The following CAST variants were observed in gnomAD, a reference collection of about 807,000 sequenced individuals.
CAST encodes the protein calpastatin.
In CAST, 76 loss-of-function variants were observed where a neutral mutation model predicts 119.6. The observed-to-expected ratio is 0.64, with a 90% CI of 0.53 to 0.77. The LOEUF (loss-of-function observed/expected upper bound fraction) is 0.77. CAST is among the 30% of genes least tolerant of loss of function. CAST has a pLI of 0.00. For missense variants in CAST, 953 were observed against 946.5 expected (o/e 1.01, Z -0.09); for synonymous variants, 319 against 331.6 (o/e 0.96, Z 0.41).
At chr5:96,723,758 T>C (rs938614340) in intron 4 of CAST, among the ~76,000 whole-genome samples, 1 of 152,222 alleles carries the variant, frequency 6.6e-6, no homozygotes, top group African/African-American at 2.4e-5. Context: ...TCTCAACTAA[T>C]GTTTGTGTGC....
the CAST span, among the ~76,000 whole-genome samples, chr5:96,331,232 T>C: frequency 6.6e-6 from 1 of 152,178 alleles, no homozygotes; most frequent in Non-Finnish European, 1.5e-5. Flanking sequence ...TAAAACCCAG[T>C]TTAATGATTC....
At chr5:96,412,083 A>G in the CAST span, among the ~76,000 whole-genome samples, 2 of 152,204 alleles carry the variant, frequency 1.3e-5, no homozygotes, top group African/African-American at 4.8e-5. Context: ...CCTGGCCTCA[A>G]TTGATCTGCC....
chr5:96,629,552 G>A lies in CAST; in HGVS notation c.61-45987G>A, dbSNP rs78833573. The stretch of plus-strand genomic sequence containing the variant: ...ACAAACTCTGTCTCAGCATCTTCTT[G>A]CTAAAAAGTATGGGTTGGCACTTTG... On this transcript the variant is annotated intron_variant, in intron 1 of 11. Coordinates refer to the CAST transcript ENST00000505143. Among the ~76,000 whole-genome samples, 17 of 152,296 alleles carry A rather than the reference G, an allele frequency of 1.1e-4. No homozygotes were observed. The East Asian group carries it at 3.3e-3, about 29-fold the overall frequency.
At chr5:96,393,139 G>A in the CAST span, 6 of 1,614,190 alleles carry the variant, frequency 3.7e-6, no homozygotes, top group Non-Finnish European at 5.1e-6. Context: ...GGGAAGGTTT[G>A]TTCAGCTTTT....
the CAST span, among the ~76,000 whole-genome samples, chr5:96,291,843 C>CGTGTGTGTGTGTGTGTGTGTGT: frequency 7.5e-6 from 1 of 132,968 alleles, no homozygotes; most frequent in African/African-American, 2.8e-5. Context: ...TCCCAGTCTG[C>CGTGTGTGTGTGTGTGTGTGTGT]GTGTGTGTGT....
the CAST span, among the ~76,000 whole-genome samples, chr5:96,502,616 C>CTT: frequency 4.8e-4 from 20 of 41,678 alleles, no homozygotes; most frequent in African/African-American, 9.4e-4. Context: ...GTTACCTAGT[C>CTT]TTTCTTTCTT....
At chr5:96,277,276 T>C in the CAST span, among the ~76,000 whole-genome samples, 1 of 152,104 alleles carries the variant, frequency 6.6e-6, no homozygotes, top group African/African-American at 2.4e-5. Flanking sequence ...CTCTCCAAAG[T>C]AGTTGTACTA....
the CAST span, among the ~76,000 whole-genome samples, chr5:96,404,475 C>T: frequency 6.6e-6 from 1 of 152,184 alleles, no homozygotes; most frequent in Admixed American, 6.5e-5. Flanking sequence ...GCATATTCAG[C>T]CAGAAACCAT....
At chr5:96,436,138 G>A in the CAST span, among the ~76,000 whole-genome samples, 1 of 152,196 alleles carries the variant, frequency 6.6e-6, no homozygotes, top group Non-Finnish European at 1.5e-5. Context: ...AACATTAACT[G>A]CACATTAACT....
chr5:96,489,728 T>G, the CAST span, among the ~76,000 whole-genome samples: 1 of 152,142 alleles, frequency 6.6e-6, no homozygotes, highest in Non-Finnish European at 1.5e-5. Flanking sequence ...GCTGAGAGGC[T>G]ATAAAGATAC....
At chr5:96,463,281 T>G in the CAST span, among the ~76,000 whole-genome samples, 2 of 152,132 alleles carry the variant, frequency 1.3e-5, no homozygotes, top group East Asian at 3.9e-4. Flanking sequence ...TGGTACACAG[T>G]GAATTAGGGC....
the CAST span, among the ~76,000 whole-genome samples, chr5:96,406,657 C>A: frequency 9.9e-5 from 15 of 152,220 alleles, no homozygotes; most frequent in African/African-American, 3.1e-4. Context: ...AACCTCAGGG[C>A]TTTTCCAGTC....
chr5:96,325,710 G>A, the CAST span, among the ~76,000 whole-genome samples: 1 of 152,000 alleles, frequency 6.6e-6, no homozygotes, highest in Non-Finnish European at 1.5e-5. Context: ...AAACTCCTAA[G>A]CTCAAATAAT....
At position 96,774,378 on chromosome 5, in the gene CAST, A is replaced by AGAC. The variant is rs1431774065; in HGVS notation, c.*1763_*1765dup. ...TCTTTTTTAATTAGAAATATCTTCG[A>AGAC]GACTTGGGTGTTTGTTAATAACTAA... On this transcript the variant is annotated 3_prime_UTR_variant, in exon 32 of 32. Coordinates refer to ENST00000675179, the MANE Select transcript of CAST (RefSeq NM_001750.7). 1 of 340,146 alleles carries AGAC rather than the reference A, an allele frequency of 2.9e-6. No homozygotes were observed. Among genetic ancestry groups the AGAC allele is most frequent in the African/African-American group, 2.2e-5 (1 of 44,950 alleles). The allele number at this position is 340,146 out of a possible 1,614,324, so 21.1% of individuals were successfully genotyped here.
At chr5:96,324,073 C>T in the CAST span, among the ~76,000 whole-genome samples, 2 of 152,148 alleles carry the variant, frequency 1.3e-5, no homozygotes, top group Non-Finnish European at 2.9e-5. Flanking sequence ...TAGCAGATGG[C>T]CTTCAGATAC....
At chr5:96,189,879 T>C in the CAST span, among the ~76,000 whole-genome samples, 12 of 152,216 alleles carry the variant, frequency 7.9e-5, no homozygotes. Flanking sequence ...GTTTAAGTTT[T>C]CTCCTATTCT....
At chr5:96,193,877 G>C in the CAST span, among the ~76,000 whole-genome samples, 2 of 152,154 alleles carry the variant, frequency 1.3e-5, no homozygotes, top group African/African-American at 4.8e-5. Flanking sequence ...ATTATGTCCA[G>C]TTCTGGATAA....
At chr5:96,749,108 G>A (rs540108891) in intron 19 of CAST, among the ~76,000 whole-genome samples, 2 of 152,132 alleles carry the variant, frequency 1.3e-5, no homozygotes, top group Non-Finnish European at 2.9e-5. Flanking sequence ...AGAACAATAA[G>A]TATGTGTGCA....
chr5:96,553,391 G>C (rs978507299), intron 1 of CAST, among the ~76,000 whole-genome samples: 1 of 152,100 alleles, frequency 6.6e-6, no homozygotes, highest in Non-Finnish European at 1.5e-5. Flanking sequence ...TCATAAACTA[G>C]TTATTGATGG....
Sources: gnomAD v4.1 joint callset for allele counts (sites outside exome capture counted in the v4.1 genomes callset) on GRCh38, gnomAD v4.1.1 for gene constraint, MANE v1.5 for transcripts, NCBI Gene and HGNC (gene_info 2026-07-23, HGNC 2026-07-21) for gene names.